Variants in TTC14 observed in about 807,000 individuals in gnomAD.
The protein encoded by TTC14 is tetratricopeptide repeat protein 14.
A neutral mutation model predicts 79.9 loss-of-function variants in TTC14; 63 were observed. The ratio of observed to expected loss-of-function variants is 0.79; its 90% CI spans 0.64 to 0.97. The LOEUF (loss-of-function observed/expected upper bound fraction) is 0.97. Ranked by LOEUF, TTC14 falls within the 50% of genes least tolerant of loss-of-function variation. TTC14 has a pLI of 0.00. For synonymous variants in TTC14, 335 were observed against 309.6 expected (o/e 1.08, Z -0.86); for missense variants, 895 against 894.0 (o/e 1.00, Z -0.01).
rs145180821 is a variant in TTC14, at chr3:180,606,568, A to G, written c.1137A>G (p.Lys379=). 8.1e-4 allele frequency: 1,300 copies of G among 1,614,008 alleles called. 16 individuals are homozygous for G. In the African/African-American group the frequency reaches 0.016, roughly 20 times the overall value. The change falls in exon 9 of 12, where the codon AAA becomes AAG. Residue 379 remains lysine (K), a synonymous_variant. Coordinates refer to ENST00000296015, the MANE Select transcript of TTC14 (RefSeq NM_133462.4). ...ENCPTHRNAR[K]YLCQTLVERG... ...GTCCAACTCACAGAAATGCAAGAAA[A>G]TACCTCTGCCAGACACTTGTAGAGA...
Position 180,610,235 on chromosome 3 carries a change from C to G in TTC14, c.2006C>G (p.Ser669Cys). The change falls in exon 12 of 12, where the codon TCT becomes TGT. Residue 669 changes from serine (S) to cysteine (C), a missense_variant. Coordinates refer to ENST00000296015, the MANE Select transcript of TTC14 (RefSeq NM_133462.4). ...RRWEPGSVRHSTSPASSEYSW... is the reference protein window; with the variant it reads ...RRWEPGSVRHCTSPASSEYSW... ...TGGGAACCAGGTTCTGTGAGGCATT[C>G]TACCTCACCAGCAAGCTCAGAATAC... is the stretch of plus-strand genomic sequence containing the variant. 6.2e-7 allele frequency: 1 copy of G among 1,613,966 alleles called. No individual in the cohort carries two copies. Among genetic ancestry groups the G allele is most frequent in the Non-Finnish European group, 8.5e-7 (1 of 1,179,924 alleles).
rs1230477102 is a variant in TTC14, at chr3:180,602,321, A to G, written c.60A>G (p.Leu20=). Residue 20 remains leucine, a synonymous_variant, in exon 1 of 12, where the codon CTA becomes CTG. Transcript: ENST00000296015. ...LNCHGSSLLS[L]LRSEQQDNPH... The stretch of plus-strand genomic sequence containing the variant: ...GCCACGGGTCGTCTTTGCTCTCTCT[A>G]CTTCGGAGCGAACAGCAGGACAATC... 35 of 1,613,448 alleles carry G rather than the reference A, an allele frequency of 2.2e-5. No homozygotes were observed. Among genetic ancestry groups the G allele is most frequent in the South Asian group, 1.4e-4 (13 of 91,070 alleles).
At chr3:180,616,536 G>C (rs1196039901) in intron 12 of TTC14, 1 of 1,572,674 alleles carries the variant, frequency 6.4e-7, no homozygotes, top group South Asian at 1.2e-5. Context: ...TATGTTTGAA[G>C]GATAATACGG....
In TTC14 at chr3:180,603,219, A is replaced by G. The variant is rs1716479632; in HGVS notation, c.382A>G (p.Ile128Val). 1 of 1,613,942 alleles carries G rather than the reference A, an allele frequency of 6.2e-7. No individual in the cohort carries two copies. The highest frequency in any genetic ancestry group is 8.5e-7 in the Non-Finnish European group (1 of 1,180,012). The stretch of plus-strand genomic sequence containing the variant: ...TTTCCGAGATATTGAGCGTGGTGAT[A>G]TAGTGATTGGAAGAATTAGTTCTAT... ...LFFRDIERGD[I>V]VIGRISSIRE... Residue 128 changes from isoleucine (I) to valine (V), a missense_variant, in exon 3 of 12, where the codon ATA becomes GTA. Transcript: ENST00000296015.
rs1716971223 is a variant in TTC14 at position 180,610,972 on chromosome 3, A to G, written c.*430A>G. 1 of 952,636 alleles carries G rather than the reference A, an allele frequency of 1.0e-6. No individual in the cohort carries two copies. The highest frequency in any genetic ancestry group is 1.2e-6 in the Non-Finnish European group (1 of 800,160). 59.0% of individuals were successfully genotyped at this position (952,636 alleles called of 1,614,324 possible). A position where few individuals can be genotyped will look rare whatever the true frequency, so the allele number is the denominator to read the frequency against. Reference sequence around the variant, plus strand: ...TTAAATTAAAAATCGTCAGCTTTTGAAAGATTATATGTTCGAATGTTTCTT... The same window carrying G: ...TTAAATTAAAAATCGTCAGCTTTTGGAAGATTATATGTTCGAATGTTTCTT... On this transcript the variant is annotated 3_prime_UTR_variant, in exon 12 of 12. Coordinates refer to ENST00000296015, the MANE Select transcript of TTC14 (RefSeq NM_133462.4).
chr3:180,603,131 T>C lies in TTC14; in HGVS notation c.294T>C (p.Tyr98=), dbSNP rs760694453. ...TTAATTTTTTTTTTTTAGATCATTA[T>C]GCAATCATGCCACCTTTAGAGCAAT... ...SEINEDSEDH[Y]AIMPPLEQFM... Residue 98 remains tyrosine (Y), a synonymous_variant, in exon 3 of 12, where the codon TAT becomes TAC. Coordinates refer to ENST00000296015, the MANE Select transcript of TTC14 (RefSeq NM_133462.4). 2.5e-6 allele frequency: 4 copies of C among 1,613,320 alleles called. No homozygotes were observed. The highest frequency in any genetic ancestry group is 3.4e-6 in the Non-Finnish European group (4 of 1,179,830).
downstream of TTC14, among the ~76,000 whole-genome samples, chr3:180,611,326 T>C (rs1265792473): frequency 6.6e-6 from 1 of 152,236 alleles, no homozygotes; most frequent in Non-Finnish European, 1.5e-5. Context: ...AAAATCCTTT[T>C]AGCAAAAACA....
At chr3:180,611,247 T>G (rs796115198), downstream of TTC14, 20 of 836,382 alleles carry the variant, frequency 2.4e-5, 1 homozygote, top group African/African-American at 3.5e-4. Context: ...CATAAAAAGC[T>G]TTTTAACTTT....
rs1716397207 is a variant in TTC14 at position 180,602,268 on chromosome 3, C to T, written c.7C>T (p.Arg3Trp). 1 of 1,613,906 alleles carries T rather than the reference C, an allele frequency of 6.2e-7. No individual in the cohort carries two copies. Among genetic ancestry groups the T allele is most frequent in the Non-Finnish European group, 8.5e-7 (1 of 1,179,958 alleles). Reference protein sequence around the residue: MDRDLLRQSLNCH... With the variant: MDWDLLRQSLNCH... ...GGCCCTGCATTCTCTAGCCATGGAC[C>T]GGGACCTTTTGCGGCAGTCGCTAAA... Residue 3 changes from arginine (R) to tryptophan (W), a missense_variant, in exon 1 of 12, where the codon CGG becomes TGG. Coordinates refer to ENST00000296015, the MANE Select transcript of TTC14 (RefSeq NM_133462.4).
At chr3:180,604,374 A>C in intron 4 of TTC14, 65 bp downstream of exon 4, 1 of 1,568,166 alleles carries the variant, frequency 6.4e-7, no homozygotes, top group Non-Finnish European at 8.7e-7. Flanking sequence ...TATTAATTTA[A>C]AAAAATACAG....
intron 11 of TTC14, chr3:180,609,226 T>C (rs1213217932): frequency 5.5e-6 from 4 of 727,416 alleles, no homozygotes; most frequent in Non-Finnish European, 6.8e-6. Context: ...AAACATTCTG[T>C]AATGCACAGG....
chr3:180,607,982 C>T (rs1027478456), intron 10 of TTC14: 2 of 1,284,186 alleles, frequency 1.6e-6, no homozygotes, highest in East Asian at 3.3e-5. Context: ...AAACTATTAC[C>T]TAAATTTGGT....
Position 180,610,580 on chromosome 3 carries a change from T to TTAAG in TTC14, c.*40_*43dup, listed in dbSNP as rs1716950517. The TTAAG allele has an allele frequency of 6.6e-7, 1 of 1,521,530 alleles. No homozygotes were observed. Among genetic ancestry groups the TTAAG allele is most frequent in the Admixed American group, 2.3e-5 (1 of 43,146 alleles). 94.3% of individuals were successfully genotyped at this position (1,521,530 alleles called of 1,614,324 possible). A position where few individuals can be genotyped will look rare whatever the true frequency, so the allele number is the denominator to read the frequency against. On this transcript the variant is annotated 3_prime_UTR_variant, in exon 12 of 12. Transcript: ENST00000296015. ...ATCGGCACCATTACACAAAATGCCA[T>TTAAG]TAAGTGAAGTTTTTGGTTGTATTAG... is the stretch of plus-strand genomic sequence containing the variant.
chr3:180,604,159 TAAAAG>T (rs939082054), intron 3 of TTC14, 61 bp from the exon 4 acceptor site: 3 of 1,384,234 alleles, frequency 2.2e-6, no homozygotes, highest in Admixed American at 1.7e-5. Context: ...ACAACTAAGA[TAAAAG>T]AAGACACTGT....
chr3:180,616,234 G>A (rs766812889), intron 12 of TTC14: 2 of 1,514,518 alleles, frequency 1.3e-6, no homozygotes, highest in South Asian at 1.1e-5. Flanking sequence ...ATCACTTAGT[G>A]TACAGCTGTG....
Position 180,602,392 on chromosome 3 carries a change from G to T in TTC14, c.131G>T (p.Gly44Val), listed in dbSNP as rs1716409808. 1 of 1,608,864 alleles carries T rather than the reference G, an allele frequency of 6.2e-7. No homozygotes were observed. Residue 44 changes from glycine (G) to valine (V), a missense_variant, in exon 1 of 12, where the codon GGC (glycine) becomes GTC (valine). Transcript: ENST00000296015. ...GGGTCGGCCGCCGAGCCAGCCCGGGGCCCGCCGCCCCAGCACCCGTTGCAG... is the reference window on the plus strand; with the variant it reads ...GGGTCGGCCGCCGAGCCAGCCCGGGTCCCGCCGCCCCAGCACCCGTTGCAG... ...LLGSAAEPAR[G>V]PPPQHPLQGR...
At chr3:180,615,054 G>C, downstream of TTC14, 1 of 1,548,704 alleles carries the variant, frequency 6.5e-7, no homozygotes, top group Non-Finnish European at 8.7e-7. Context: ...CTGAGAAGTA[G>C]ATGTACTTGT....
At position 180,609,409 on chromosome 3, in the gene TTC14, G is replaced by C. The variant is rs1716864876; in HGVS notation, c.1401-221G>C. ...AGTGTTGAAAAAAGTCTGTCTTTCA[G>C]AGATGATGGATTTGCTTACAATGAT... On this transcript the variant is annotated intron_variant, in intron 11 of 11. Transcript: ENST00000296015. 3.2e-6 allele frequency: 4 copies of C among 1,233,238 alleles called. No homozygotes were observed. The Admixed American group carries it at 1.2e-4, about 36-fold the overall frequency. The allele number at this position is 1,233,238 out of a possible 1,614,324, so 76.4% of individuals were successfully genotyped here. A position where few individuals can be genotyped will look rare whatever the true frequency, so the allele number is the denominator to read the frequency against.
chr3:180,607,491 T>C (rs1716757305), intron 9 of TTC14, among the ~76,000 whole-genome samples, 157 bp from the exon 10 acceptor site: 1 of 152,178 alleles, frequency 6.6e-6, no homozygotes, highest in Admixed American at 6.5e-5. Flanking sequence ...ATGAAATAAA[T>C]TACAGTAAAA....
Sources: allele counts gnomAD v4.1 joint callset (sites outside exome capture counted in the v4.1 genomes callset), GRCh38; gene constraint gnomAD v4.1.1; transcripts MANE v1.5; gene names NCBI Gene and HGNC (gene_info 2026-07-23, HGNC 2026-07-21).